Variants in CFAP299 observed in about 807,000 individuals in gnomAD.
The protein encoded by CFAP299 is cilia- and flagella-associated protein 299.
CFAP299 carries 21 observed loss-of-function variants against 27.0 expected under a neutral mutation model. That is an observed-to-expected ratio of 0.78 (90% CI 0.55 to 1.12). The LOEUF (loss-of-function observed/expected upper bound fraction) is 1.12. Among genes scored for constraint, CFAP299 ranks in the 50% most tolerant of loss-of-function variants. CFAP299 has a pLI of 0.00. For missense variants in CFAP299, 310 were observed against 276.6 expected, an observed-to-expected ratio of 1.12 and a Z score of -0.86; for synonymous variants, 104 against 98.1, an observed-to-expected ratio of 1.06 and a Z score of -0.36.
intron 3 of CFAP299, among the ~76,000 whole-genome samples, chr4:80,653,302 T>G (rs1327147942): frequency 6.6e-6 from 1 of 152,160 alleles, no homozygotes; most frequent in Non-Finnish European, 1.5e-5. Context: ...CACCTCTCCA[T>G]TTTTAGTGAT....
At chr4:80,842,961 T>C (rs1730946171) in intron 3 of CFAP299, among the ~76,000 whole-genome samples, 1 of 152,058 alleles carries the variant, frequency 6.6e-6, no homozygotes, top group Non-Finnish European at 1.5e-5. Flanking sequence ...GAATTTATGT[T>C]TATCTTGCTC....
intron 4 of CFAP299, among the ~76,000 whole-genome samples, chr4:80,916,175 T>G (rs1735739984): frequency 6.9e-6 from 1 of 145,266 alleles, no homozygotes; most frequent in South Asian, 2.2e-4. Context: ...GGCACGAGAA[T>G]CACTGAAACC....
At chr4:80,707,564 A>C (rs1008017186) in intron 3 of CFAP299, among the ~76,000 whole-genome samples, 6 of 152,072 alleles carry the variant, frequency 3.9e-5, no homozygotes, top group Non-Finnish European at 7.4e-5. Flanking sequence ...ACACATAGTC[A>C]TAACACACCA....
chr4:80,447,509 T>C (rs1728704100), intron 2 of CFAP299, among the ~76,000 whole-genome samples: 3 of 152,050 alleles, frequency 2.0e-5, no homozygotes, highest in African/African-American at 7.2e-5. Flanking sequence ...CTCAGCTCAC[T>C]GCAACCTCCG....
At chr4:80,631,275 T>C (rs904627121) in intron 3 of CFAP299, among the ~76,000 whole-genome samples, 1 of 152,052 alleles carries the variant, frequency 6.6e-6, no homozygotes, top group Non-Finnish European at 1.5e-5. Context: ...TGGTATAGCA[T>C]TATATAATTC....
chr4:80,743,366 T>TATAC (rs574513734), intron 3 of CFAP299, among the ~76,000 whole-genome samples: 127 of 152,276 alleles, frequency 8.3e-4, no homozygotes, highest in African/African-American at 2.8e-3. Flanking sequence ...GATACATATA[T>TATAC]ATACATACAT....
intron 3 of CFAP299, among the ~76,000 whole-genome samples, chr4:80,616,926 T>C (rs1464506913): frequency 6.6e-6 from 1 of 152,176 alleles, no homozygotes; most frequent in Non-Finnish European, 1.5e-5. Flanking sequence ...GCAAAGATGC[T>C]GAGATGAATT....
At chr4:80,636,031 C>T (rs979677404) in intron 3 of CFAP299, among the ~76,000 whole-genome samples, 2 of 152,138 alleles carry the variant, frequency 1.3e-5, no homozygotes, top group Non-Finnish European at 2.9e-5. Flanking sequence ...TTTAGGATTT[C>T]TCCTCAGTTA....
chr4:80,380,867 G>C (rs533946282), intron 2 of CFAP299, among the ~76,000 whole-genome samples: 76 of 152,126 alleles, frequency 5.0e-4, no homozygotes, highest in African/African-American at 1.8e-3. Flanking sequence ...CTTTTAATGA[G>C]AGTTTATGCA....
chr4:80,843,155 T>C (rs973193595), intron 3 of CFAP299, among the ~76,000 whole-genome samples: 1 of 152,070 alleles, frequency 6.6e-6, no homozygotes, highest in African/African-American at 2.4e-5. Flanking sequence ...TATGTATACA[T>C]GTGCCATGTT....
At chr4:80,858,850 AGGTGT>A (rs1732112800) in intron 3 of CFAP299, among the ~76,000 whole-genome samples, 1 of 152,054 alleles carries the variant, frequency 6.6e-6, no homozygotes, top group Non-Finnish European at 1.5e-5. Flanking sequence ...ATTTTGGAAT[AGGTGT>A]GGTGTGGTGC....
chr4:80,963,378 A>G (rs955339072), intron 5 of CFAP299, 139 bp from the exon 6 acceptor site: 6 of 604,036 alleles, frequency 9.9e-6, no homozygotes, highest in South Asian at 2.1e-5. Context: ...GACTAGGGGG[A>G]AAACATGTAT....
At chr4:80,782,410 A>T (rs370669341) in intron 3 of CFAP299, among the ~76,000 whole-genome samples, 3 of 150,720 alleles carry the variant, frequency 2.0e-5, no homozygotes, top group Non-Finnish European at 4.4e-5. Context: ...CTTTTTCTTC[A>T]GCTTAAGACA....
At chr4:80,848,626 A>G (rs1358662561) in intron 3 of CFAP299, among the ~76,000 whole-genome samples, 1 of 152,032 alleles carries the variant, frequency 6.6e-6, no homozygotes, top group Non-Finnish European at 1.5e-5. Flanking sequence ...ACTAAAAATA[A>G]ATTAGCTGAG....
At chr4:80,534,302 G>T (rs1578564240) in intron 2 of CFAP299, among the ~76,000 whole-genome samples, 1 of 138,330 alleles carries the variant, frequency 7.2e-6, no homozygotes, top group African/African-American at 2.7e-5. Flanking sequence ...GTAATGAACA[G>T]AACTCACTCT....
At chr4:80,918,900 G>A (rs1735899865) in intron 4 of CFAP299, among the ~76,000 whole-genome samples, 1 of 152,102 alleles carries the variant, frequency 6.6e-6, no homozygotes, top group Non-Finnish European at 1.5e-5. Flanking sequence ...CTATTTATAA[G>A]GTTCATCTCT....
intron 2 of CFAP299, among the ~76,000 whole-genome samples, chr4:80,511,729 C>T (rs1732312380): frequency 6.6e-6 from 1 of 151,968 alleles, no homozygotes. Flanking sequence ...AGCTACTGAC[C>T]CCAGGGCCAT....
At chr4:80,950,258 C>G (rs538847571) in intron 5 of CFAP299, among the ~76,000 whole-genome samples, 2 of 151,646 alleles carry the variant, frequency 1.3e-5, no homozygotes, top group Non-Finnish European at 2.9e-5. Context: ...CCTCCACCCC[C>G]CCCCTTTCTC....
chr4:80,502,403 C>A (rs1017495608), intron 2 of CFAP299, among the ~76,000 whole-genome samples: 8 of 152,000 alleles, frequency 5.3e-5, no homozygotes, highest in Admixed American at 5.2e-4. Flanking sequence ...AGTTTTGCAC[C>A]ACATACCAAC....
Sources: allele counts gnomAD v4.1 joint callset (sites outside exome capture counted in the v4.1 genomes callset), GRCh38; gene constraint gnomAD v4.1.1; transcripts MANE v1.5; gene names NCBI Gene and HGNC (gene_info 2026-07-23, HGNC 2026-07-21).